PDE5A: variants seen among roughly 807,000 people sequenced by gnomAD.
The protein encoded by PDE5A is cGMP-specific 3',5'-cyclic phosphodiesterase.
PDE5A carries 67 observed loss-of-function variants against 110.2 expected under a neutral mutation model. The observed-to-expected ratio is 0.61, with a 90% confidence interval of 0.50 to 0.75. PDE5A has a LOEUF of 0.75. PDE5A is among the 30% of genes least tolerant of loss of function. The pLI, the probability that PDE5A is intolerant of heterozygous loss-of-function variation, is 0.00. For synonymous variants in PDE5A, 328 were observed against 351.2 expected, an observed-to-expected ratio of 0.93 and a Z score of 0.74; for missense variants, 862 against 1,045.1, an observed-to-expected ratio of 0.82 and a Z score of 2.42.
chr4:119,548,096 C>T (rs976043658), intron 9 of PDE5A: 2 of 129,350 alleles, frequency 1.5e-5, no homozygotes, highest in East Asian at 2.4e-4. Context: ...TAGCCCAGGC[C>T]GGATTGCAGT....
At chr4:119,624,771 G>A (rs1290668637) in intron 1 of PDE5A, among the ~76,000 whole-genome samples, 2 of 152,180 alleles carry the variant, frequency 1.3e-5, no homozygotes, top group Non-Finnish European at 2.9e-5. Flanking sequence ...CTGTTAAGCA[G>A]CATTAGCACC....
intron 1 of PDE5A, among the ~76,000 whole-genome samples, chr4:119,624,528 G>A (rs972879038): frequency 6.6e-6 from 1 of 152,156 alleles, no homozygotes; most frequent in Non-Finnish European, 1.5e-5. Flanking sequence ...TAAAACGTCT[G>A]TTTCTGGACT....
At chr4:119,556,187 A>G (rs1229395736) in intron 7 of PDE5A, among the ~76,000 whole-genome samples, 1 of 152,206 alleles carries the variant, frequency 6.6e-6, no homozygotes. Context: ...ATGGCCACCC[A>G]GAATAAAGAC....
chr4:119,611,263 C>T (rs1729733139), intron 1 of PDE5A, among the ~76,000 whole-genome samples: 1 of 152,212 alleles, frequency 6.6e-6, no homozygotes, highest in African/African-American at 2.4e-5. Flanking sequence ...GTTATATCAT[C>T]TATCCCCTCT....
chr4:119,589,432 C>T (rs1383374229), intron 3 of PDE5A, among the ~76,000 whole-genome samples: 1 of 151,564 alleles, frequency 6.6e-6, no homozygotes, highest in East Asian at 1.9e-4. Context: ...GTCATCTGAG[C>T]TAGGGGGAAA....
rs199904464 is a variant in PDE5A at position 119,627,975 on chromosome 4, G to T, written c.152+545C>A. ...GGACAAGCAGGAGACTGGAAGGGGG[G>T]AAAAGGCAACCGCACTCACTTTGGC... On this transcript the variant is annotated intron_variant, in intron 1 of 20. Coordinates refer to ENST00000354960, the MANE Select transcript of PDE5A (RefSeq NM_001083.4). The surrounding 1 kb of genome is among the most constrained non-coding windows in gnomAD (Gnocchi z 4.6). The T allele has an allele frequency of 1.7e-5, 16 of 916,950 alleles. No homozygotes were observed. The highest frequency in any genetic ancestry group is 5.6e-4 in the Middle Eastern group (1 of 1,798). The allele number at this position is 916,950 out of a possible 1,614,324, so 56.8% of individuals were successfully genotyped here.
chr4:119,504,424 T>C, intron 18 of PDE5A, 112 bp downstream of exon 18: 1 of 749,582 alleles, frequency 1.3e-6, no homozygotes, highest in Non-Finnish European at 2.2e-6. Context: ...CATATAAGTG[T>C]CTTTTTTATA....
At chr4:119,546,753 T>C (rs1455173544) in intron 9 of PDE5A, among the ~76,000 whole-genome samples, 2 of 151,866 alleles carry the variant, frequency 1.3e-5, no homozygotes, top group African/African-American at 4.8e-5. Context: ...TATTCACTTC[T>C]TAATGATTTT....
chr4:119,585,794 A>G (rs901313374), intron 3 of PDE5A, among the ~76,000 whole-genome samples: 2 of 152,282 alleles, frequency 1.3e-5, no homozygotes, highest in Non-Finnish European at 2.9e-5. Flanking sequence ...GTGATGGACA[A>G]CTTTGGAGAC....
chr4:119,521,435 G>A (rs1014912769), intron 12 of PDE5A, among the ~76,000 whole-genome samples: 4 of 151,246 alleles, frequency 2.6e-5, no homozygotes, highest in African/African-American at 9.7e-5. Flanking sequence ...CACCAACTAG[G>A]AGAGTCCAAA....
At chr4:119,570,013 A>G (rs1297555201) in intron 3 of PDE5A, among the ~76,000 whole-genome samples, 1 of 152,244 alleles carries the variant, frequency 6.6e-6, no homozygotes, top group Non-Finnish European at 1.5e-5. Flanking sequence ...TCTAACATGT[A>G]TATGTGCCTC....
intron 20 of PDE5A, chr4:119,499,689 G>T (rs566818652): frequency 1.3e-5 from 2 of 151,934 alleles, no homozygotes; most frequent in African/African-American, 4.8e-5. Flanking sequence ...CTACAAGCGC[G>T]TGCCACCACA....
chr4:119,611,680 C>T (rs187368274), intron 1 of PDE5A, among the ~76,000 whole-genome samples: 1 of 152,274 alleles, frequency 6.6e-6, no homozygotes, highest in East Asian at 1.9e-4. Context: ...GACATTAACT[C>T]AATATTAAAT....
intron 2 of PDE5A, among the ~76,000 whole-genome samples, chr4:119,597,304 G>GT (rs33944872): frequency 9.5e-4 from 137 of 144,952 alleles, no homozygotes; most frequent in South Asian, 2.2e-3. Flanking sequence ...CTCTGTGAGG[G>GT]TTTTTTTTTT....
intron 3 of PDE5A, among the ~76,000 whole-genome samples, chr4:119,586,613 T>C (rs1044359499): frequency 3.3e-5 from 5 of 152,198 alleles, no homozygotes; most frequent in Admixed American, 6.5e-5. Context: ...CAGGGTGCAA[T>C]TATATGATGT....
In PDE5A at chr4:119,494,521, G is replaced by A. The variant is rs1045177; in HGVS notation, c.*4080C>T. 0.02 allele frequency: 2,985 copies of A among 152,640 alleles called. 41 individuals are homozygous for A. The highest frequency in any genetic ancestry group is 0.044 in the Middle Eastern group (13 of 294). 9.5% of individuals were successfully genotyped at this position (152,640 alleles called of 1,614,324 possible). A position where few individuals can be genotyped will look rare whatever the true frequency, so the allele number is the denominator to read the frequency against. ...ATCTCATGACTTTATACAGGAATCG[G>A]AGGTAAGTGTTCCTTTAAAGTGATT... On this transcript the variant is annotated 3_prime_UTR_variant, in exon 21 of 21. Coordinates refer to ENST00000354960, the MANE Select transcript of PDE5A (RefSeq NM_001083.4).
chr4:119,598,720 G>A (rs138480229), intron 2 of PDE5A, among the ~76,000 whole-genome samples: 83 of 152,290 alleles, frequency 5.5e-4, no homozygotes, highest in East Asian at 3.9e-3. Flanking sequence ...GCCTGAGGGC[G>A]TTTTCCTGCT....
At chr4:119,537,703 C>G (rs1726776276) in intron 11 of PDE5A, among the ~76,000 whole-genome samples, 1 of 151,836 alleles carries the variant, frequency 6.6e-6, no homozygotes, top group South Asian at 2.1e-4. Flanking sequence ...ACACCACCAC[C>G]TCATCGCTTG....
At chr4:119,622,822 C>T (rs1487870975) in intron 1 of PDE5A, among the ~76,000 whole-genome samples, 2 of 144,916 alleles carry the variant, frequency 1.4e-5, no homozygotes, top group East Asian at 4.1e-4. Flanking sequence ...CGAGATTGCG[C>T]CACTGCACTC....
Sources: gnomAD v4.1 joint callset for allele counts (sites outside exome capture counted in the v4.1 genomes callset) on GRCh38, gnomAD v4.1.1 for gene constraint, Gnocchi (gnomAD v3.1) non-coding constraint, MANE v1.5 for transcripts, NCBI Gene and HGNC (gene_info 2026-07-23, HGNC 2026-07-21) for gene names.